The following CADM2 variants were observed in gnomAD, a reference collection of about 807,000 sequenced individuals.
The protein encoded by CADM2 is cell adhesion molecule 2, also known as immunoglobulin superfamily member 4D.
CADM2 carries 12 observed loss-of-function variants against 49.8 expected under a neutral mutation model. The observed-to-expected ratio is 0.24, with a 90% CI of 0.15 to 0.39. The LOEUF (loss-of-function observed/expected upper bound fraction) is 0.39, where lower values mean the gene tolerates loss of function less well. Among genes scored for constraint, CADM2 ranks in the 10% least tolerant of loss-of-function variants. CADM2 has a pLI of 1.00. For missense variants in CADM2, 378 were observed against 492.3 expected (o/e 0.77, Z 2.20); for synonymous variants, 214 against 175.4 (o/e 1.22, Z -1.74).
Position 86,073,296 on chromosome 3 carries a change from G to T in CADM2, c.*6513G>T, listed in dbSNP as rs1703382183. The T allele has an allele frequency of 6.6e-6, 1 of 151,934 alleles. No individual in the cohort carries two copies. Among genetic ancestry groups the T allele is most frequent in the East Asian group, 1.9e-4 (1 of 5,196 alleles). 9.4% of individuals were successfully genotyped at this position (151,934 alleles called of 1,614,324 possible). ...CATGAAATTCATAACTTTTGGAAGG[G>T]TATATTTATGACAGCATAAAAAATA... On this transcript the variant is annotated 3_prime_UTR_variant, in exon 10 of 10. Coordinates refer to ENST00000383699, the MANE Select transcript of CADM2 (RefSeq NM_001167675.2).
intron 1 of CADM2, among the ~76,000 whole-genome samples, chr3:85,394,441 T>C (rs946684165): frequency 6.6e-6 from 1 of 152,220 alleles, no homozygotes; most frequent in African/African-American, 2.4e-5. Context: ...TTTGTATTAT[T>C]GGAGCAGGGT....
chr3:85,288,168 C>A (rs1024205442), intron 1 of CADM2, among the ~76,000 whole-genome samples: 2 of 152,058 alleles, frequency 1.3e-5, no homozygotes, highest in African/African-American at 4.8e-5. Context: ...AGCACATAAA[C>A]TTTCTGAACT....
intron 1 of CADM2, among the ~76,000 whole-genome samples, chr3:85,609,250 G>A (rs942484276): frequency 4.6e-5 from 7 of 151,830 alleles, no homozygotes; most frequent in African/African-American, 1.5e-4. Flanking sequence ...AGGTGTTAGG[G>A]GCATGACATG....
At chr3:85,082,378 A>T (rs1052916533) in intron 1 of CADM2, among the ~76,000 whole-genome samples, 1 of 152,196 alleles carries the variant, frequency 6.6e-6, no homozygotes, top group East Asian at 1.9e-4. Flanking sequence ...TCTTGTTTGT[A>T]CTACAATGCA....
At chr3:86,047,402 T>C (rs1736809790) in intron 8 of CADM2, among the ~76,000 whole-genome samples, 1 of 152,194 alleles carries the variant, frequency 6.6e-6, no homozygotes, top group South Asian at 2.1e-4. Flanking sequence ...TTATTTAATC[T>C]GAAATACACA....
intron 1 of CADM2, among the ~76,000 whole-genome samples, chr3:85,547,027 A>G (rs1468169578): frequency 6.6e-6 from 1 of 151,994 alleles, no homozygotes; most frequent in African/African-American, 2.4e-5. Flanking sequence ...TATTTTTTTA[A>G]TGTCTGGAAG....
At chr3:85,025,664 C>G (rs781236568) in intron 1 of CADM2, among the ~76,000 whole-genome samples, 1 of 152,176 alleles carries the variant, frequency 6.6e-6, no homozygotes, top group Non-Finnish European at 1.5e-5. Flanking sequence ...TTATAAAGCA[C>G]TGTTACACAT....
intron 1 of CADM2, among the ~76,000 whole-genome samples, chr3:85,577,061 C>A (rs2062651681): frequency 1.3e-5 from 2 of 152,230 alleles, no homozygotes; most frequent in South Asian, 2.1e-4. Context: ...AACTGGCAAA[C>A]CTTCTATATA....
intron 1 of CADM2, among the ~76,000 whole-genome samples, chr3:85,059,901 A>G (rs1318092572): frequency 1.3e-5 from 2 of 152,182 alleles, no homozygotes; most frequent in Non-Finnish European, 2.9e-5. Flanking sequence ...CTATTATTCT[A>G]TAAACAGGGT....
At chr3:85,798,346 C>A (rs1406827000) in intron 2 of CADM2, among the ~76,000 whole-genome samples, 1 of 152,140 alleles carries the variant, frequency 6.6e-6, no homozygotes, top group Admixed American at 6.6e-5. Context: ...TTTGCCCATG[C>A]CTATGTCCTG....
chr3:85,968,358 G>T (rs1725715163), intron 8 of CADM2, among the ~76,000 whole-genome samples: 1 of 151,550 alleles, frequency 6.6e-6, no homozygotes, highest in African/African-American at 2.4e-5. Context: ...TTTAAAAGGT[G>T]TATGTGTGTG....
At chr3:85,631,567 G>T (rs767377143) in intron 1 of CADM2, among the ~76,000 whole-genome samples, 2 of 152,028 alleles carry the variant, frequency 1.3e-5, no homozygotes, top group Non-Finnish European at 2.9e-5. Context: ...ATAGATAAGA[G>T]AAATCAGAAG....
chr3:85,741,866 T>C (rs2068406645), intron 2 of CADM2, among the ~76,000 whole-genome samples: 2 of 152,256 alleles, frequency 1.3e-5, no homozygotes, highest in South Asian at 4.1e-4. Context: ...TCACAGAGAC[T>C]ATTGGAAACT....
At chr3:86,006,910 G>A (rs1478408222) in intron 8 of CADM2, among the ~76,000 whole-genome samples, 9 of 152,040 alleles carry the variant, frequency 5.9e-5, no homozygotes, top group East Asian at 3.9e-4. Context: ...GCATGGTGAC[G>A]GATACCTGTA....
At chr3:85,613,902 A>G (rs1301610339) in intron 1 of CADM2, among the ~76,000 whole-genome samples, 3 of 151,646 alleles carry the variant, frequency 2.0e-5, no homozygotes, top group Non-Finnish European at 4.4e-5. Flanking sequence ...ATTCACTAAG[A>G]ATCAGTTTTT....
intron 1 of CADM2, among the ~76,000 whole-genome samples, chr3:85,250,823 A>T (rs1435615282): frequency 2.0e-5 from 3 of 151,770 alleles, no homozygotes; most frequent in South Asian, 2.1e-4. Flanking sequence ...TTCTACATTT[A>T]ATCATTGTAT....
chr3:85,123,953 A>G (rs2038945915), intron 1 of CADM2, among the ~76,000 whole-genome samples: 1 of 152,224 alleles, frequency 6.6e-6, no homozygotes, highest in South Asian at 2.1e-4. Flanking sequence ...AACTCTGGAA[A>G]CAAATGTTGG....
chr3:85,962,047 G>A (rs898068764), intron 8 of CADM2, among the ~76,000 whole-genome samples: 3 of 151,398 alleles, frequency 2.0e-5, no homozygotes, highest in South Asian at 2.1e-4. Context: ...AGCAATTCTC[G>A]TGCTTCACCT....
At chr3:85,860,888 G>A (rs1013531427) in intron 3 of CADM2, among the ~76,000 whole-genome samples, 1 of 152,134 alleles carries the variant, frequency 6.6e-6, no homozygotes, top group African/African-American at 2.4e-5. Flanking sequence ...ACCACAAAAT[G>A]AAGTACACAC....
Sources: gnomAD v4.1 joint callset for allele counts (sites outside exome capture counted in the v4.1 genomes callset) on GRCh38, gnomAD v4.1.1 for gene constraint, MANE v1.5 for transcripts, NCBI Gene and HGNC (gene_info 2026-07-23, HGNC 2026-07-21) for gene names.